CHST3: variants seen among roughly 807,000 people sequenced by gnomAD.
CHST3 encodes the protein C6ST-1.
CHST3 carries 20 observed loss-of-function variants against 35.4 expected under a neutral mutation model. The ratio of observed to expected loss-of-function variants is 0.57; its 90% CI spans 0.40 to 0.82. CHST3 has a LOEUF of 0.82. Among genes scored for constraint, CHST3 ranks in the 40% least tolerant of loss-of-function variants. The probability of loss-of-function intolerance (pLI) is 0.00; values close to 1 mark genes in which losing one functional copy is unlikely to be tolerated. For missense variants in CHST3, 693 were observed against 670.1 expected, an observed-to-expected ratio of 1.03 and a Z score of -0.38; for synonymous variants, 334 against 295.9, an observed-to-expected ratio of 1.13 and a Z score of -1.32.
intron 1 of CHST3, among the ~76,000 whole-genome samples, chr10:71,998,344 T>A (rs1839961114): frequency 6.6e-6 from 1 of 152,200 alleles, no homozygotes; most frequent in South Asian, 2.1e-4. Flanking sequence ...GCATGAATCT[T>A]GGTCTATGTC....
chr10:71,977,832 G>A (rs1839761413), intron 1 of CHST3, among the ~76,000 whole-genome samples: 1 of 152,068 alleles, frequency 6.6e-6, no homozygotes, highest in Admixed American at 6.5e-5. Flanking sequence ...ACCACACCCA[G>A]TTAATTTTTG....
chr10:71,980,628 G>A (rs1564525890), intron 1 of CHST3, among the ~76,000 whole-genome samples: 2 of 152,314 alleles, frequency 1.3e-5, no homozygotes, highest in South Asian at 2.1e-4. Flanking sequence ...TAGTTCTGGA[G>A]TGGGACCTGA....
At chr10:71,994,339 A>G (rs946328645) in intron 1 of CHST3, among the ~76,000 whole-genome samples, 1 of 152,232 alleles carries the variant, frequency 6.6e-6, no homozygotes, top group Non-Finnish European at 1.5e-5. Context: ...CATGGGCTGC[A>G]GAATTAATGT....
chr10:71,989,755 C>G (rs1839880399), intron 1 of CHST3, among the ~76,000 whole-genome samples: 1 of 152,242 alleles, frequency 6.6e-6, no homozygotes, highest in Non-Finnish European at 1.5e-5. Flanking sequence ...CCCTCAACCA[C>G]TCTTGTCAAT....
In CHST3 at chr10:72,007,862, C is replaced by T. The variant is rs1334595760; in HGVS notation, c.831C>T (p.Ile277=). ...ACATGGCCCTCAAGGCGGTGCGCAT[C>T]CGGCAGCTGGAGTTCCTGCAGCCGC... The part of the protein sequence containing the change: ...KEHMALKAVR[I]RQLEFLQPLA... Residue 277 remains isoleucine (I), a synonymous_variant, in exon 3 of 3, where the codon ATC becomes ATT. Transcript: ENST00000373115. 2 of 1,601,388 alleles carry T rather than the reference C, an allele frequency of 1.2e-6. No individual in the cohort carries two copies. Among genetic ancestry groups the T allele is most frequent in the Non-Finnish European group, 1.7e-6 (2 of 1,176,010 alleles).
rs190108148 is a variant in CHST3 at position 71,995,993 on chromosome 10, A to C, written c.-107-9743A>C. Among the ~76,000 whole-genome samples, 713 of 152,328 alleles carry C rather than the reference A, an allele frequency of 4.7e-3. 4 individuals are homozygous for C. The highest frequency in any genetic ancestry group is 0.01 in the Middle Eastern group (3 of 294). On this transcript the variant is annotated intron_variant, in intron 1 of 2. Coordinates refer to ENST00000373115, the MANE Select transcript of CHST3 (RefSeq NM_004273.5). ...ATTTGTAGAAAACACAGTATCTGTG[A>C]AGCATAATAAAGCAAAGCACAATAA...
chr10:71,992,204 G>A (rs1237379010), intron 1 of CHST3, among the ~76,000 whole-genome samples: 2 of 151,974 alleles, frequency 1.3e-5, no homozygotes, highest in Non-Finnish European at 2.9e-5. Flanking sequence ...TGTGTTTTGA[G>A]ACAGGGTCTT....
Position 72,008,750 on chromosome 10 carries a change from TCACA to T in CHST3, c.*286_*289del, listed in dbSNP as rs1227185864. 1 of 417,554 alleles carries T rather than the reference TCACA, an allele frequency of 2.4e-6. No homozygotes were observed. Among genetic ancestry groups the T allele is most frequent in the East Asian group, 3.8e-5 (1 of 26,144 alleles). The allele number at this position is 417,554 out of a possible 1,614,324, so 25.9% of individuals were successfully genotyped here. A position where few individuals can be genotyped will look rare whatever the true frequency, so the allele number is the denominator to read the frequency against. ...CCGGGCCTGTTGGCAAGCTTCGATC[TCACA>T]CACACAGAAACATACATTCGTGCCT... is the stretch of plus-strand genomic sequence containing the variant. On this transcript the variant is annotated 3_prime_UTR_variant, in exon 3 of 3. Transcript: ENST00000373115.
intron 1 of CHST3, among the ~76,000 whole-genome samples, chr10:71,987,213 T>C (rs1043735852): frequency 6.6e-6 from 1 of 151,958 alleles, no homozygotes; most frequent in African/African-American, 2.4e-5. Flanking sequence ...TAACCGCTGC[T>C]TCTCCTACAG....
intron 1 of CHST3, among the ~76,000 whole-genome samples, chr10:71,986,766 C>A (rs544183046): frequency 7.9e-5 from 12 of 152,340 alleles, no homozygotes; most frequent in African/African-American, 2.9e-4. Flanking sequence ...GTGTCCCTCC[C>A]CTGCAGCCCA....
At chr10:71,982,028 G>C (rs1213959456) in intron 1 of CHST3, among the ~76,000 whole-genome samples, 1 of 152,240 alleles carries the variant, frequency 6.6e-6, no homozygotes, top group Non-Finnish European at 1.5e-5. Flanking sequence ...TAAGGAAGCA[G>C]GTGCTTATGG....
chr10:71,967,557 C>T (rs1839643956), intron 1 of CHST3, among the ~76,000 whole-genome samples: 1 of 152,178 alleles, frequency 6.6e-6, no homozygotes, highest in African/African-American at 2.4e-5. Context: ...TACCACATTT[C>T]TTTATCTGGT....
intron 1 of CHST3, among the ~76,000 whole-genome samples, chr10:71,989,400 T>A (rs1490335814): frequency 6.6e-6 from 1 of 151,834 alleles, no homozygotes; most frequent in East Asian, 1.9e-4. Context: ...TGAGCCATGA[T>A]CACACCACCG....
At position 72,008,301 on chromosome 10, in the gene CHST3, C is replaced by G. The variant is rs1281051798; in HGVS notation, c.1270C>G (p.Gln424Glu). The part of the protein sequence containing the change: ...IYSTQKNSSE[Q>E]FEKWRFSMPF... The stretch of plus-strand genomic sequence containing the variant: ...CTCCACGCAGAAGAACTCCTCGGAG[C>G]AGTTCGAGAAGTGGCGCTTCAGCAT... The change falls in exon 3 of 3, where the codon CAG becomes GAG. Residue 424 changes from glutamine (Q) to glutamate (E), a missense_variant. Coordinates refer to ENST00000373115, the MANE Select transcript of CHST3 (RefSeq NM_004273.5). 6.3e-7 allele frequency: 1 copy of G among 1,584,862 alleles called. No individual in the cohort carries two copies. The highest frequency in any genetic ancestry group is 8.6e-7 in the Non-Finnish European group (1 of 1,166,058).
intron 1 of CHST3, among the ~76,000 whole-genome samples, chr10:71,990,879 A>T (rs569364794): frequency 6.6e-6 from 1 of 152,354 alleles, no homozygotes; most frequent in South Asian, 2.1e-4. Context: ...TCCCATGAAC[A>T]TTATGTATTA....
intron 1 of CHST3, among the ~76,000 whole-genome samples, chr10:71,988,345 C>A (rs2131752078): frequency 6.6e-6 from 1 of 152,310 alleles, no homozygotes; most frequent in South Asian, 2.1e-4. Context: ...TATTTGTCCG[C>A]ACCCAAATCT....
intron 1 of CHST3, among the ~76,000 whole-genome samples, chr10:71,988,060 C>A (rs1423211419): frequency 1.3e-5 from 2 of 152,198 alleles, no homozygotes; most frequent in Non-Finnish European, 2.9e-5. Context: ...ACGTATGATG[C>A]ACCCATTGCA....
chr10:71,988,158 G>A (rs941823961), intron 1 of CHST3, among the ~76,000 whole-genome samples: 16 of 152,174 alleles, frequency 1.1e-4, no homozygotes, highest in African/African-American at 1.4e-4. Flanking sequence ...TGAGCACAGC[G>A]TTTTGTAATA....
Position 72,008,260 on chromosome 10 carries a change from AC to A in CHST3, c.1230del (p.Asp410GlufsTer108). The A allele has an allele frequency of 6.3e-7, 1 of 1,580,458 alleles. No homozygotes were observed. The highest frequency in any genetic ancestry group is 8.6e-7 in the Non-Finnish European group (1 of 1,163,740). On this transcript the variant is annotated frameshift_variant, in exon 3 of 3. Transcript: ENST00000373115. LOFTEE classifies it high-confidence loss of function. ...WIQKNTQAAH[D>X]GSGIYSTQKN... is the part of the protein sequence containing the mutation. ...CAAAAGAACACGCAGGCGGCCCACG[AC>A]GGCAGCGGCATCTACTCCACGCAGA...
Sources: allele counts gnomAD v4.1 joint callset (sites outside exome capture counted in the v4.1 genomes callset), GRCh38; gene constraint gnomAD v4.1.1; transcripts MANE v1.5; gene names NCBI Gene and HGNC (gene_info 2026-07-23, HGNC 2026-07-21).